The following MGST2 variants were observed in gnomAD, a reference collection of about 807,000 sequenced individuals.
MGST2 encodes glutathione peroxidase MGST2.
Under a neutral mutation model 16.6 loss-of-function variants are expected in MGST2, and 9 were observed. The ratio of observed to expected loss-of-function variants is 0.54; its 90% CI spans 0.33 to 0.95. The LOEUF is 0.95. Ranked by LOEUF, MGST2 falls within the 40% of genes least tolerant of loss-of-function variation. The probability of loss-of-function intolerance (pLI) is 0.03; values close to 1 mark genes in which losing one functional copy is unlikely to be tolerated. For synonymous variants in MGST2, 79 were observed against 68.0 expected (o/e 1.16, Z -0.79); for missense variants, 159 against 175.1 (o/e 0.91, Z 0.52).
downstream of MGST2, among the ~76,000 whole-genome samples, chr4:139,745,153 C>T (rs868262263): frequency 4.6e-5 from 7 of 152,094 alleles, no homozygotes; most frequent in Non-Finnish European, 7.4e-5. Flanking sequence ...GGAAGGAGAG[C>T]GGCCACCTGC....
chr4:139,695,276 A>G lies in MGST2; in HGVS notation c.229+9A>G, dbSNP rs2110878982. 6.3e-7 allele frequency: 1 copy of G among 1,594,934 alleles called. No individual in the cohort carries two copies. Among genetic ancestry groups the G allele is most frequent in the Middle Eastern group, 1.7e-4 (1 of 6,022 alleles). The stretch of plus-strand genomic sequence containing the variant: ...GTGGTATTTCAACCAAGGTAATGTT[A>G]AAATACAGTCAACTGTGTTCTAATG... On this transcript the variant is annotated intron_variant, in intron 3 of 4. Transcript: ENST00000265498.
At chr4:139,687,937 AC>A (rs1726336232) in intron 2 of MGST2, among the ~76,000 whole-genome samples, 1 of 152,234 alleles carries the variant, frequency 6.6e-6, no homozygotes, top group African/African-American at 2.4e-5. Flanking sequence ...CTATAATTTC[AC>A]CAAGGACCAT....
rs1218153161 is a variant in MGST2, at chr4:139,729,958, G to T, written c.*49-10254G>T. On this transcript the variant is annotated intron_variant, in intron 5 of 5. Transcript: ENST00000616265. ...ATTCTGCTATTGTTCCTGATCCATT[G>T]TTCATTACCCATTCTATAGAATTCT... Among the ~76,000 whole-genome samples, 4 of 152,168 alleles carry T rather than the reference G, an allele frequency of 2.6e-5. No individual in the cohort carries two copies. In the South Asian group the frequency reaches 8.3e-4, roughly 32 times the overall value.
At chr4:139,719,968 G>C (rs540976172) in intron 5 of MGST2, 1 of 1,614,082 alleles carries the variant, frequency 6.2e-7, no homozygotes, top group Admixed American at 1.7e-5. Flanking sequence ...GCTGGGTAAT[G>C]GCTGAGTTCA....
intron 5 of MGST2, among the ~76,000 whole-genome samples, chr4:139,736,302 A>G (rs1728944003): frequency 1.3e-5 from 2 of 152,204 alleles, no homozygotes; most frequent in Admixed American, 1.3e-4. Context: ...AAGTTTTATT[A>G]GTAAGTTTGA....
chr4:139,720,786 C>A (rs1057028831), intron 5 of MGST2, among the ~76,000 whole-genome samples: 1 of 152,216 alleles, frequency 6.6e-6, no homozygotes, highest in Non-Finnish European at 1.5e-5. Context: ...GAATCCACCT[C>A]TGGGGCTAAA....
intron 5 of MGST2, among the ~76,000 whole-genome samples, chr4:139,727,904 A>G (rs1728541887): frequency 6.6e-6 from 1 of 151,778 alleles, no homozygotes; most frequent in Non-Finnish European, 1.5e-5. Context: ...ATCTGGCAGT[A>G]TTCACTCTCA....
chr4:139,741,321 C>T (rs538279494), downstream of MGST2, among the ~76,000 whole-genome samples: 3 of 152,298 alleles, frequency 2.0e-5, no homozygotes, highest in East Asian at 5.8e-4. Flanking sequence ...GGGCATAAGA[C>T]CACCTGACCC....
intron 5 of MGST2, chr4:139,720,185 G>A (rs552614931): frequency 1.3e-5 from 21 of 1,614,008 alleles, no homozygotes; most frequent in Admixed American, 3.3e-5. Flanking sequence ...CTCCGACTGC[G>A]CAGCTGCGGT....
intron 2 of MGST2, among the ~76,000 whole-genome samples, chr4:139,680,270 CCTTATAGTATA>C (rs1731170053): frequency 6.6e-6 from 1 of 152,136 alleles, no homozygotes; most frequent in African/African-American, 2.4e-5. Flanking sequence ...GAAAGCAGGG[CCTTATAGTATA>C]CTGTGGTTAC....
chr4:139,708,505 C>T (rs140868434), downstream of MGST2, among the ~76,000 whole-genome samples: 456 of 152,220 alleles, frequency 3.0e-3, 6 homozygotes, highest in Middle Eastern at 0.037. Context: ...GTGATGCCTC[C>T]GGCTTTGTTC....
chr4:139,752,921 A>G, the MGST2 span, among the ~76,000 whole-genome samples: 42 of 152,334 alleles, frequency 2.8e-4, no homozygotes, highest in African/African-American at 9.9e-4. Context: ...GAAAGAAAAT[A>G]GGATGGCGAG....
At chr4:139,668,228 A>G (rs937657821) in intron 1 of MGST2, among the ~76,000 whole-genome samples, 1 of 152,206 alleles carries the variant, frequency 6.6e-6, no homozygotes, top group Non-Finnish European at 1.5e-5. Context: ...GTGGAGGCCA[A>G]GGTTCTTACT....
At chr4:139,707,903 G>A (rs1727583662), downstream of MGST2, among the ~76,000 whole-genome samples, 2 of 151,392 alleles carry the variant, frequency 1.3e-5, no homozygotes, top group South Asian at 2.1e-4. Flanking sequence ...TGATGGGGTT[G>A]TTTGTTTTTT....
chr4:139,729,179 A>C (rs888921498), intron 5 of MGST2, among the ~76,000 whole-genome samples: 1 of 116,562 alleles, frequency 8.6e-6, no homozygotes, highest in Admixed American at 8.1e-5. Flanking sequence ...AAAAAAAAAA[A>C]GGGAACATAA....
intron 5 of MGST2, among the ~76,000 whole-genome samples, chr4:139,716,501 T>C (rs1301988115): frequency 2.0e-5 from 3 of 152,248 alleles, no homozygotes; most frequent in African/African-American, 4.8e-5. Flanking sequence ...CTATGTTCCA[T>C]GCAAAGTTGA....
intron 3 of MGST2, among the ~76,000 whole-genome samples, chr4:139,700,291 C>A (rs2110896092): frequency 6.6e-6 from 1 of 151,954 alleles, no homozygotes; most frequent in South Asian, 2.1e-4. Flanking sequence ...GCCACCACGC[C>A]CAGCTAATTT....
chr4:139,720,261 G>A (rs772679392), intron 5 of MGST2: 31 of 1,593,366 alleles, frequency 1.9e-5, no homozygotes, highest in Admixed American at 1.2e-4. Flanking sequence ...GCCATCAGCC[G>A]TGACGTTCGC....
At chr4:139,709,446 G>T (rs1261786846) in intron 5 of MGST2, among the ~76,000 whole-genome samples, 1 of 152,148 alleles carries the variant, frequency 6.6e-6, no homozygotes, top group Non-Finnish European at 1.5e-5. Flanking sequence ...AATGTTAATT[G>T]TGTTAGGTGT....
Sources: gnomAD v4.1 joint callset for allele counts (sites outside exome capture counted in the v4.1 genomes callset) on GRCh38, gnomAD v4.1.1 for gene constraint, MANE v1.5 for transcripts, NCBI Gene and HGNC (gene_info 2026-07-23, HGNC 2026-07-21) for gene names.